Variants in MEAK7 observed in about 807,000 individuals in gnomAD.
The protein encoded by MEAK7 is MTOR associated protein MEAK7.
In MEAK7, 68 loss-of-function variants were observed where a neutral mutation model predicts 40.5. The observed-to-expected ratio is 1.68, with a 90% CI of 1.38 to 2.06. MEAK7 has a LOEUF of 2.06. MEAK7 is among the 30% of genes most tolerant of loss of function. The pLI, the probability that MEAK7 is intolerant of heterozygous loss-of-function variation, is 0.00. For synonymous variants in MEAK7, 338 were observed against 231.9 expected (o/e 1.46, Z -4.16); for missense variants, 918 against 580.5 (o/e 1.58, Z -5.98).
At chr16:84,482,537 A>G (rs1912656468) in intron 6 of MEAK7, 55 bp downstream of exon 6, 2 of 1,613,176 alleles carry the variant, frequency 1.2e-6, no homozygotes, top group South Asian at 1.1e-5. Flanking sequence ...CGGGGTTGAC[A>G]CCTTTGCTGG....
chr16:84,481,223 C>T (rs893612850), intron 6 of MEAK7, among the ~76,000 whole-genome samples: 1 of 152,242 alleles, frequency 6.6e-6, no homozygotes. Context: ...ATGCGAACCC[C>T]TGTGCCTTCC....
Position 84,486,390 on chromosome 16 carries a change from C to T in MEAK7, c.958+241G>A, listed in dbSNP as rs1597934618. ...CTCCCACGCCCCATAGACCCGGCAC[C>T]GTGTAATAACTGGGCCCGTGTCCTC... On this transcript the variant is annotated intron_variant, in intron 5 of 7. Transcript: ENST00000343629. 7.1e-6 allele frequency: 9 copies of T among 1,265,008 alleles called. No homozygotes were observed. In the East Asian group the frequency reaches 1.6e-4, roughly 23 times the overall value. 78.4% of individuals were successfully genotyped at this position (1,265,008 alleles called of 1,614,324 possible).
At position 84,489,323 on chromosome 16, in the gene MEAK7, C is replaced by G; in HGVS notation, c.484G>C (p.Val162Leu). ...GKEAPGPNPR[V>L]QVLAAQLLSD... ...AGCAGCTGAGCAGCCAGCACCTGCA[C>G]CCGGGGGTTGGGCCCTGGGGCTTCC... Residue 162 changes from valine (V) to leucine (L), a missense_variant, in exon 4 of 8, where the codon GTG (valine) becomes CTG (leucine). Transcript: ENST00000343629. The G allele has an allele frequency of 6.2e-7, 1 of 1,614,198 alleles. No individual in the cohort carries two copies. The highest frequency in any genetic ancestry group is 8.5e-7 in the Non-Finnish European group (1 of 1,180,030).
intron 4 of MEAK7, among the ~76,000 whole-genome samples, chr16:84,488,968 A>C (rs1303905079): frequency 6.6e-6 from 1 of 152,198 alleles, no homozygotes; most frequent in Admixed American, 6.5e-5. Context: ...AGACAACAGA[A>C]AATTAATGAA....
At chr16:84,501,008 T>C (rs181474838) in intron 1 of MEAK7, among the ~76,000 whole-genome samples, 187 of 149,188 alleles carry the variant, frequency 1.3e-3, no homozygotes, top group Non-Finnish European at 2.1e-3. Flanking sequence ...GGCAGAAGAA[T>C]TGGTTGAACA....
At position 84,478,429 on chromosome 16, in the gene MEAK7, GC is replaced by G. The variant is rs1912224652; in HGVS notation, c.*1483del. ...CCTCCCAGTAGAAAATGCAAGGCCT[GC>G]AAAAATGCGAACAGCTCGATTTACT... is the stretch of plus-strand genomic sequence containing the variant. On this transcript the variant is annotated 3_prime_UTR_variant, in exon 8 of 8. Transcript: ENST00000343629. 1.3e-5 allele frequency: 2 copies of G among 152,242 alleles called. No individual in the cohort carries two copies. The allele number at this position is 152,242 out of a possible 1,614,324, so 9.4% of individuals were successfully genotyped here. A position where few individuals can be genotyped will look rare whatever the true frequency, so the allele number is the denominator to read the frequency against.
chr16:84,478,491 G>A lies in MEAK7; in HGVS notation c.*1422C>T, dbSNP rs368934817. ...ATCAAGGCAAACTATACAATAAGAG[G>A]TTGTATTTTCATCAGATCTGCAAAA... is the stretch of plus-strand genomic sequence containing the variant. On this transcript the variant is annotated 3_prime_UTR_variant, in exon 8 of 8. Transcript: ENST00000343629. The A allele has an allele frequency of 1.3e-5, 2 of 152,222 alleles. No individual in the cohort carries two copies. Among genetic ancestry groups the A allele is most frequent in the East Asian group, 3.8e-4 (2 of 5,202 alleles). The allele number at this position is 152,222 out of a possible 1,614,324, so 9.4% of individuals were successfully genotyped here. A position where few individuals can be genotyped will look rare whatever the true frequency, so the allele number is the denominator to read the frequency against.
At chr16:84,489,554 A>G in intron 3 of MEAK7, 132 bp from the exon 4 acceptor site, 1 of 1,065,840 alleles carries the variant, frequency 9.4e-7, no homozygotes, top group Non-Finnish European at 1.3e-6. Flanking sequence ...AGGTCATGCA[A>G]TGTATGTAGT....
chr16:84,501,846 G>C (rs1191805811), intron 1 of MEAK7, among the ~76,000 whole-genome samples: 1 of 152,186 alleles, frequency 6.6e-6, no homozygotes, highest in East Asian at 1.9e-4. Flanking sequence ...CCCCGTGCCA[G>C]GCAAGATAAA....
At position 84,480,599 on chromosome 16, in the gene MEAK7, G is replaced by T. The variant is rs113834725; in HGVS notation, c.1187C>A (p.Ser396Ter). 6.2e-7 allele frequency: 1 copy of T among 1,613,914 alleles called. No homozygotes were observed. The highest frequency in any genetic ancestry group is 1.3e-5 in the African/African-American group (1 of 74,902). The change falls in exon 7 of 8, where the codon TCG (serine) becomes TAG (stop). Residue 396 changes from serine (S) to a stop codon, truncating the protein, a stop_gained. Transcript: ENST00000343629. LOFTEE classifies it high-confidence loss of function. ...TCTTYNSPQLSAQENFQFDKM... is the reference protein window; with the variant it reads ...TCTTYNSPQL ...ATCAAACTGGAAGTTCTCCTGAGCC[G>T]ACAGCTGCGGGCTGTTGTACGTGGT...
intron 2 of MEAK7, 122 bp downstream of exon 2, chr16:84,497,812 C>T: frequency 2.0e-6 from 3 of 1,472,190 alleles, no homozygotes; most frequent in Non-Finnish European, 1.9e-6. Flanking sequence ...TTACAGAAAA[C>T]CAACTTTTCA....
intron 5 of MEAK7, among the ~76,000 whole-genome samples, chr16:84,484,643 C>G (rs561413290): frequency 6.6e-6 from 1 of 152,332 alleles, no homozygotes; most frequent in Admixed American, 6.5e-5. Context: ...ATCCTCTGTA[C>G]TCAAGGAGGT....
At chr16:84,501,058 A>G (rs433894) in intron 1 of MEAK7, among the ~76,000 whole-genome samples, 144,625 of 145,450 alleles carry the variant, frequency 0.99, 71,905 homozygotes, top group Middle Eastern at 1. Context: ...CCACGCCACT[A>G]CACTCCAGCC....
Position 84,504,598 on chromosome 16 carries a change from T to C in MEAK7, c.-26+3A>G, listed in dbSNP as rs1395007250. On this transcript the variant is annotated splice_donor_region_variant and intron_variant, in intron 1 of 7. Transcript: ENST00000343629. ...CACTGCGAACCTCAGCCCAGGTACC[T>C]ACCCTGCCGGGCTTCCTGGTGCTGT... is the stretch of plus-strand genomic sequence containing the variant. 7.1e-6 allele frequency: 7 copies of C among 985,560 alleles called. No homozygotes were observed. The highest frequency in any genetic ancestry group is 8.4e-6 in the Non-Finnish European group (7 of 830,106). 61.1% of individuals were successfully genotyped at this position (985,560 alleles called of 1,614,324 possible).
rs1912141186 is a variant in MEAK7 at position 84,477,042 on chromosome 16, T to TTAC, written c.*2868_*2870dup. 1 of 152,068 alleles carries TTAC rather than the reference T, an allele frequency of 6.6e-6. No individual in the cohort carries two copies. Among genetic ancestry groups the TTAC allele is most frequent in the Admixed American group, 6.6e-5 (1 of 15,262 alleles). 9.4% of individuals were successfully genotyped at this position (152,068 alleles called of 1,614,324 possible). On this transcript the variant is annotated 3_prime_UTR_variant, in exon 8 of 8. Coordinates refer to ENST00000343629, the MANE Select transcript of MEAK7 (RefSeq NM_020947.4). ...AAGTAGCTAGGACCACAGGCATGTGTTACCATGCCTGGTTAATTTTCGTAT... is the reference window on the plus strand; with the variant it reads ...AAGTAGCTAGGACCACAGGCATGTGTTACTACCATGCCTGGTTAATTTTCGTAT...
At chr16:84,489,715 C>A (rs936151580) in intron 3 of MEAK7, among the ~76,000 whole-genome samples, 2 of 152,156 alleles carry the variant, frequency 1.3e-5, no homozygotes, top group African/African-American at 4.8e-5. Flanking sequence ...TTGCTCAAAC[C>A]AACAGGATGA....
chr16:84,504,625 C>G lies in MEAK7; in HGVS notation c.-50G>C, dbSNP rs1019466676. 1.0e-5 allele frequency: 10 copies of G among 985,516 alleles called. No individual in the cohort carries two copies. The highest frequency in any genetic ancestry group is 7.0e-5 in the African/African-American group (4 of 57,262). The allele number at this position is 985,516 out of a possible 1,614,324, so 61.0% of individuals were successfully genotyped here. On this transcript the variant is annotated 5_prime_UTR_variant, in exon 1 of 8. Coordinates refer to ENST00000343629, the MANE Select transcript of MEAK7 (RefSeq NM_020947.4). ...CCCTGCCGGGCTTCCTGGTGCTGTC[C>G]GGTCCGGTCCAGCAGCCCACGGGCT...
intron 6 of MEAK7, 23 bp from the exon 7 acceptor site, chr16:84,480,731 G>C (rs774271292): frequency 1.9e-6 from 3 of 1,596,280 alleles, no homozygotes; most frequent in Non-Finnish European, 2.6e-6. Flanking sequence ...CCAGGACAGA[G>C]AATAGCATCA....
intron 3 of MEAK7, among the ~76,000 whole-genome samples, chr16:84,490,461 T>TACC (rs1169300785): frequency 2.1e-4 from 13 of 61,028 alleles, no homozygotes; most frequent in Non-Finnish European, 3.8e-4. Flanking sequence ...TTTTTTTTTT[T>TACC]TTTTTTTTTT....
Sources: allele counts gnomAD v4.1 joint callset (sites outside exome capture counted in the v4.1 genomes callset), GRCh38; gene constraint gnomAD v4.1.1; transcripts MANE v1.5; gene names NCBI Gene and HGNC (gene_info 2026-07-23, HGNC 2026-07-21).